Variants in PRKN observed in about 807,000 individuals in gnomAD.
PRKN encodes the protein parkin RBR E3 ubiquitin protein ligase.
PRKN carries 56 observed loss-of-function variants against 59.5 expected under a neutral mutation model. The observed-to-expected ratio is 0.94, with a 90% CI of 0.76 to 1.18. The LOEUF is 1.18. Among genes scored for constraint, PRKN ranks in the 50% most tolerant of loss-of-function variants. The pLI is 0.00. For synonymous variants in PRKN, 250 were observed against 222.1 expected, an observed-to-expected ratio of 1.13 and a Z score of -1.12; for missense variants, 657 against 596.4, an observed-to-expected ratio of 1.10 and a Z score of -1.06.
At chr6:162,716,871 GT>G in intron 1 of PRKN, among the ~76,000 whole-genome samples, 1 of 152,064 alleles carries the variant, frequency 6.6e-6, no homozygotes, top group Non-Finnish European at 1.5e-5. Context: ...CAAAAATCAA[GT>G]TGTAGCTCTC....
rs377604103 is a variant in PRKN at position 161,832,577 on chromosome 6, T to G, written c.735-46669A>C. 2.9e-4 allele frequency among the ~76,000 whole-genome samples: 40 copies of G among 137,418 alleles called. No homozygotes were observed. In the East Asian group the frequency reaches 7.0e-3, roughly 24 times the overall value. The allele number at this position is 137,418 out of a possible 152,430, so 90.2% of individuals were successfully genotyped here. A position where few individuals can be genotyped will look rare whatever the true frequency, so the allele number is the denominator to read the frequency against. On this transcript the variant is annotated intron_variant, in intron 6 of 11. Coordinates refer to ENST00000366898, the MANE Select transcript of PRKN (RefSeq NM_004562.3). The stretch of plus-strand genomic sequence containing the variant: ...AGGCGGTGGTTGCAGTGAGGTGAGA[T>G]CATGCCGCTGCACTCCAGCCTGGGC...
chr6:161,983,672 C>T (rs1306607921), intron 5 of PRKN, among the ~76,000 whole-genome samples: 3 of 61,178 alleles, frequency 4.9e-5, no homozygotes, highest in African/African-American at 7.2e-5. Flanking sequence ...AACCAAACAC[C>T]GCATATTCTC....
intron 2 of PRKN, among the ~76,000 whole-genome samples, chr6:162,323,534 A>G (rs1340057135): frequency 1.3e-5 from 2 of 152,092 alleles, no homozygotes; most frequent in African/African-American, 4.8e-5. Flanking sequence ...TAGGATATAT[A>G]TAAAAATTTT....
chr6:162,340,050 T>C (rs921013207), intron 2 of PRKN, among the ~76,000 whole-genome samples: 2 of 147,366 alleles, frequency 1.4e-5, no homozygotes, highest in African/African-American at 5.1e-5. Flanking sequence ...CTTTGTTCAC[T>C]TGTTTATCTG....
chr6:161,859,361 T>C (rs1793792862), intron 6 of PRKN, among the ~76,000 whole-genome samples: 1 of 151,760 alleles, frequency 6.6e-6, no homozygotes, highest in South Asian at 2.1e-4. Flanking sequence ...TCCCAGCACT[T>C]TGGGAGGCCA....
chr6:162,715,205 TTAA>T (rs1016909403), intron 1 of PRKN, among the ~76,000 whole-genome samples: 1 of 152,058 alleles, frequency 6.6e-6, no homozygotes, highest in African/African-American at 2.4e-5. Context: ...ACCCCAAAGG[TTAA>T]TATCAAAAGA....
At chr6:162,089,865 C>A (rs1015247123) in intron 4 of PRKN, among the ~76,000 whole-genome samples, 2 of 152,046 alleles carry the variant, frequency 1.3e-5, no homozygotes, top group African/African-American at 4.8e-5. Flanking sequence ...TTGTGGTAGC[C>A]AGGTACTCGG....
At chr6:162,278,136 G>A (rs1371302507) in intron 2 of PRKN, among the ~76,000 whole-genome samples, 1 of 152,136 alleles carries the variant, frequency 6.6e-6, no homozygotes. Context: ...GGAACCTTAA[G>A]TGCATATTAC....
intron 1 of PRKN, among the ~76,000 whole-genome samples, chr6:162,598,875 T>C (rs1459415095): frequency 7.3e-6 from 1 of 137,104 alleles, no homozygotes; most frequent in East Asian, 2.3e-4. Flanking sequence ...AAAAAAGCAA[T>C]TGCAGAATAA....
In PRKN at chr6:161,973,990, G is replaced by A. The variant is rs1214906028; in HGVS notation, c.619-573C>T. Among the ~76,000 whole-genome samples, 6 of 152,234 alleles carry A rather than the reference G, an allele frequency of 3.9e-5. No homozygotes were observed. In the East Asian group the frequency reaches 5.8e-4, roughly 15 times the overall value. Reference sequence around the variant, plus strand: ...AGACACAGAAGTGCAGCAGAGGCCCGGCGCGTTGGCTCGCGCCTGTAATCC... The same window carrying A: ...AGACACAGAAGTGCAGCAGAGGCCCAGCGCGTTGGCTCGCGCCTGTAATCC... On this transcript the variant is annotated intron_variant, in intron 5 of 11. Coordinates refer to ENST00000366898, the MANE Select transcript of PRKN (RefSeq NM_004562.3).
At chr6:161,835,583 G>A (rs1237037530) in intron 6 of PRKN, among the ~76,000 whole-genome samples, 3 of 152,290 alleles carry the variant, frequency 2.0e-5, no homozygotes, top group Non-Finnish European at 4.4e-5. Flanking sequence ...TTCCCACACC[G>A]CATGCTGCAG....
intron 6 of PRKN, among the ~76,000 whole-genome samples, chr6:161,886,143 A>C (rs1356580103): frequency 1.3e-5 from 2 of 152,230 alleles, no homozygotes; most frequent in Non-Finnish European, 2.9e-5. Flanking sequence ...TAATTCATGT[A>C]TATTCTATTC....
At chr6:162,206,617 T>C (rs1784951473) in intron 3 of PRKN, among the ~76,000 whole-genome samples, 1 of 152,150 alleles carries the variant, frequency 6.6e-6, no homozygotes, top group African/African-American at 2.4e-5. Flanking sequence ...GCCCTGCGCC[T>C]AGTCATGCAG....
chr6:162,446,904 T>C lies in PRKN; in HGVS notation c.8-3431A>G, dbSNP rs556952675. On this transcript the variant is annotated intron_variant, in intron 1 of 11. Coordinates refer to ENST00000366898, the MANE Select transcript of PRKN (RefSeq NM_004562.3). ...TACCCAGTTCTCCCCACCTACTACCTCTTTAAAGTCACAGAAGGCAGAACG... is the reference window on the plus strand; with the variant it reads ...TACCCAGTTCTCCCCACCTACTACCCCTTTAAAGTCACAGAAGGCAGAACG... Among the ~76,000 whole-genome samples, 8 of 152,256 alleles carry C rather than the reference T, an allele frequency of 5.3e-5. No homozygotes were observed. In the South Asian group the frequency reaches 1.7e-3, roughly 32 times the overall value.
chr6:162,387,553 C>CAGAGAG (rs1204741690), intron 2 of PRKN, among the ~76,000 whole-genome samples: 34 of 80,258 alleles, frequency 4.2e-4, no homozygotes, highest in Non-Finnish European at 5.5e-4. Context: ...CACACACACA[C>CAGAGAG]ACAGAGAGAG....
At chr6:162,277,136 C>T (rs1435021889) in intron 2 of PRKN, among the ~76,000 whole-genome samples, 2 of 152,132 alleles carry the variant, frequency 1.3e-5, no homozygotes, top group Non-Finnish European at 2.9e-5. Context: ...ATAATTAATT[C>T]ACTCAAGGAT....
At chr6:162,716,931 G>A (rs116669440) in intron 1 of PRKN, among the ~76,000 whole-genome samples, 2,220 of 152,252 alleles carry the variant, frequency 0.015, 62 homozygotes, top group African/African-American at 0.051. Flanking sequence ...TTCAAATGGT[G>A]AAGCATTACT....
intron 9 of PRKN, among the ~76,000 whole-genome samples, chr6:161,452,027 C>G (rs2115126944): frequency 1.3e-5 from 2 of 151,590 alleles, no homozygotes; most frequent in East Asian, 3.9e-4. Context: ...ATGATCTTGG[C>G]TCACTGCACC....
At chr6:162,501,513 A>ATTTTTT (rs201004163) in intron 1 of PRKN, among the ~76,000 whole-genome samples, 2 of 126,560 alleles carry the variant, frequency 1.6e-5, no homozygotes, top group Non-Finnish European at 1.7e-5. Flanking sequence ...ACGCCTGGTT[A>ATTTTTT]ATTTTTTTTT....
Sources: gnomAD v4.1 joint callset for allele counts (sites outside exome capture counted in the v4.1 genomes callset) on GRCh38, gnomAD v4.1.1 for gene constraint, MANE v1.5 for transcripts, NCBI Gene and HGNC (gene_info 2026-07-23, HGNC 2026-07-21) for gene names.